The following SEC61A2 variants were observed in gnomAD, a reference collection of about 807,000 sequenced individuals.
The protein encoded by SEC61A2 is protein transport protein Sec61 subunit alpha isoform 2.
SEC61A2 carries 28 observed loss-of-function variants against 59.9 expected under a neutral mutation model. The observed-to-expected ratio is 0.47, with a 90% CI of 0.35 to 0.64. SEC61A2 has a LOEUF of 0.64. SEC61A2 is among the 30% of genes least tolerant of loss of function. The pLI, the probability that SEC61A2 is intolerant of heterozygous loss-of-function variation, is 0.01. For synonymous variants in SEC61A2, 202 were observed against 214.4 expected (o/e 0.94, Z 0.50); for missense variants, 340 against 585.9 (o/e 0.58, Z 4.33).
At chr10:12,134,156 A>G (rs1040587895) in intron 2 of SEC61A2, among the ~76,000 whole-genome samples, 20 of 152,238 alleles carry the variant, frequency 1.3e-4, no homozygotes, top group East Asian at 1.2e-3. Flanking sequence ...ACAGGCGCCC[A>G]CCACCATGCC....
chr10:12,135,067 C>G (rs1833854632), intron 2 of SEC61A2, among the ~76,000 whole-genome samples: 1 of 151,684 alleles, frequency 6.6e-6, no homozygotes, highest in Admixed American at 6.6e-5. Flanking sequence ...AAACCAAACA[C>G]CACATGTTCT....
intron 3 of SEC61A2, among the ~76,000 whole-genome samples, chr10:12,137,882 T>C (rs1159984206): frequency 6.6e-6 from 1 of 152,028 alleles, no homozygotes. Flanking sequence ...GGCGTGCACA[T>C]GTAATCCCAG....
chr10:12,140,004 A>G (rs1315206166), intron 3 of SEC61A2, among the ~76,000 whole-genome samples: 1 of 151,786 alleles, frequency 6.6e-6, no homozygotes, highest in African/African-American at 2.4e-5. Flanking sequence ...TGAACCTGAC[A>G]GCACTCAACA....
rs1014649035 is a variant in SEC61A2, at chr10:12,145,195, A to G, written c.220+2000A>G. ...TTGGATGGAGCACATTTTAAGGAAG[A>G]TGGGAAACTTCTGCAGGCCACTAGG... On this transcript the variant is annotated intron_variant, in intron 4 of 11. Coordinates refer to ENST00000298428, the MANE Select transcript of SEC61A2 (RefSeq NM_018144.4). This position sits in a 1 kb window ranked among gnomAD's most constrained non-coding sequence, Gnocchi z 4.4. Among the ~76,000 whole-genome samples the G allele has an allele frequency of 6.6e-6, 1 of 152,126 alleles. No homozygotes were observed. Among genetic ancestry groups the G allele is most frequent in the African/African-American group, 2.4e-5 (1 of 41,432 alleles).
intron 4 of SEC61A2, among the ~76,000 whole-genome samples, chr10:12,144,573 A>G (rs2131661186): frequency 6.6e-6 from 1 of 152,294 alleles, no homozygotes; most frequent in Middle Eastern, 3.4e-3. Flanking sequence ...CCCAGTTGTC[A>G]TGGAGTTGAT....
Position 12,137,468 on chromosome 10 carries a change from T to C in SEC61A2, c.141+1298T>C, listed in dbSNP as rs1247449754. Among the ~76,000 whole-genome samples the C allele has an allele frequency of 4.0e-5, 6 of 151,878 alleles. No homozygotes were observed. In the East Asian group the frequency reaches 1.2e-3, roughly 30 times the overall value. On this transcript the variant is annotated intron_variant, in intron 3 of 11. Coordinates refer to ENST00000298428, the MANE Select transcript of SEC61A2 (RefSeq NM_018144.4). ...TACAGGCACGAGCCACTACACCCAGTTAATTTCTTTTGGTATTGTAGAGAT... is the reference window on the plus strand; with the variant it reads ...TACAGGCACGAGCCACTACACCCAGCTAATTTCTTTTGGTATTGTAGAGAT...
chr10:12,163,069 G>A (rs1345828585), intron 11 of SEC61A2, among the ~76,000 whole-genome samples: 2 of 152,016 alleles, frequency 1.3e-5, no homozygotes, highest in African/African-American at 2.4e-5. Context: ...TACAAATTTT[G>A]TGCTGCTCAG....
In SEC61A2 at chr10:12,155,161, C is replaced by T. The variant is rs1468351497; in HGVS notation, c.463-617C>T. On this transcript the variant is annotated intron_variant, in intron 6 of 11. Coordinates refer to ENST00000298428, the MANE Select transcript of SEC61A2 (RefSeq NM_018144.4). The surrounding 1 kb of genome is among the most constrained non-coding windows in gnomAD (Gnocchi z 4.3). ...TTAACCTTAACCGTCTTCAAATTTACATTCAATCTTTGTCACTATGTGTAT... is the reference window on the plus strand; with the variant it reads ...TTAACCTTAACCGTCTTCAAATTTATATTCAATCTTTGTCACTATGTGTAT... The T allele has an allele frequency of 7.1e-6, 3 of 425,524 alleles. No homozygotes were observed. The highest frequency in any genetic ancestry group is 7.7e-5 in the East Asian group (2 of 25,954). 26.4% of individuals were successfully genotyped at this position (425,524 alleles called of 1,614,324 possible). A position where few individuals can be genotyped will look rare whatever the true frequency, so the allele number is the denominator to read the frequency against.
rs1041123585 is a variant in SEC61A2 at position 12,162,811 on chromosome 10, C to T, written c.1244+522C>T. Among the ~76,000 whole-genome samples the T allele has an allele frequency of 2.6e-5, 4 of 152,078 alleles. No homozygotes were observed. The highest frequency in any genetic ancestry group is 5.9e-5 in the Non-Finnish European group (4 of 68,016). On this transcript the variant is annotated intron_variant, in intron 11 of 11. Coordinates refer to ENST00000298428, the MANE Select transcript of SEC61A2 (RefSeq NM_018144.4). This position sits in a 1 kb window ranked among gnomAD's most constrained non-coding sequence, Gnocchi z 6.1. ...CTAGCCCACCTTCCCAACCACCAGCCCCAGACAGCCACTTTTAACTTTGTC... is the reference window on the plus strand; with the variant it reads ...CTAGCCCACCTTCCCAACCACCAGCTCCAGACAGCCACTTTTAACTTTGTC...
chr10:12,150,964 C>T (rs1834257486), intron 6 of SEC61A2, among the ~76,000 whole-genome samples: 3 of 152,030 alleles, frequency 2.0e-5, no homozygotes, highest in African/African-American at 7.2e-5. Flanking sequence ...TTAATAGAGA[C>T]GGGGGTTTCA....
Position 12,161,550 on chromosome 10 carries a change from G to A in SEC61A2, c.1167+429G>A, listed in dbSNP as rs1033114005. 7.9e-5 allele frequency among the ~76,000 whole-genome samples: 12 copies of A among 152,212 alleles called. No homozygotes were observed. The highest frequency in any genetic ancestry group is 2.2e-4 in the African/African-American group (9 of 41,458). On this transcript the variant is annotated intron_variant, in intron 10 of 11. Coordinates refer to ENST00000298428, the MANE Select transcript of SEC61A2 (RefSeq NM_018144.4). The surrounding 1 kb of genome is among the most constrained non-coding windows in gnomAD (Gnocchi z 5.4). The stretch of plus-strand genomic sequence containing the variant: ...ATGGGTAGGAGATCGAGACCATCCT[G>A]GTCAGCATGGTAAAACCCTTTCTCT...
intron 2 of SEC61A2, 130 bp downstream of exon 2, chr10:12,133,438 C>G: frequency 2.0e-6 from 1 of 495,736 alleles, no homozygotes; most frequent in Non-Finnish European, 3.7e-6. Flanking sequence ...ATCCTCCTTG[C>G]AAGAGGCACA....
intron 4 of SEC61A2, among the ~76,000 whole-genome samples, chr10:12,144,619 G>T (rs982373367): frequency 6.6e-6 from 1 of 152,168 alleles, no homozygotes; most frequent in Non-Finnish European, 1.5e-5. Flanking sequence ...GGTGGGGAAG[G>T]TGCTCTAGGA....
intron 3 of SEC61A2, among the ~76,000 whole-genome samples, chr10:12,138,764 T>A (rs1361329311): frequency 2.6e-5 from 4 of 152,276 alleles, no homozygotes; most frequent in African/African-American, 9.6e-5. Context: ...ATTCATTCGC[T>A]TGTTAGACAT....
rs202026816 is a variant in SEC61A2, at chr10:12,164,218, G to T, written c.1245-50G>T. ...CGACCTGTCTTCGTCTCTAGCTGCC[G>T]TGCTGTTCCTGGTCTCTGCTGCCGC... is the stretch of plus-strand genomic sequence containing the variant. On this transcript the variant is annotated intron_variant, in intron 11 of 11. Transcript: ENST00000298428. The surrounding 1 kb of genome is among the most constrained non-coding windows in gnomAD (Gnocchi z 7.3). 1 of 1,602,318 alleles carries T rather than the reference G, an allele frequency of 6.2e-7. No individual in the cohort carries two copies. Among genetic ancestry groups the T allele is most frequent in the Admixed American group, 1.7e-5 (1 of 57,608 alleles).
chr10:12,131,427 T>C (rs1482900437), intron 1 of SEC61A2, among the ~76,000 whole-genome samples: 1 of 152,166 alleles, frequency 6.6e-6, no homozygotes, highest in Non-Finnish European at 1.5e-5. Context: ...TGAGAGATTG[T>C]CATTTTCACC....
intron 6 of SEC61A2, among the ~76,000 whole-genome samples, chr10:12,151,413 G>A (rs1834271474): frequency 1.3e-5 from 2 of 150,266 alleles, no homozygotes; most frequent in East Asian, 3.9e-4. Context: ...CTGGTTTCAA[G>A]CGATTTTCCT....
rs574525515 is a variant in SEC61A2, at chr10:12,162,720, T to C, written c.1244+431T>C. Among the ~76,000 whole-genome samples, 8 of 152,226 alleles carry C rather than the reference T, an allele frequency of 5.3e-5. No homozygotes were observed. The highest frequency in any genetic ancestry group is 1.0e-4 in the Non-Finnish European group (7 of 68,038). ...GTATATTGTTCAGTGTTTTTTAGTA[T>C]ATTCAGACTTGTACAGTCATAAGTT... On this transcript the variant is annotated intron_variant, in intron 11 of 11. Transcript: ENST00000298428. The surrounding 1 kb of genome is among the most constrained non-coding windows in gnomAD (Gnocchi z 6.1).
intron 1 of SEC61A2, among the ~76,000 whole-genome samples, chr10:12,132,690 AGTT>A (rs1833786264): frequency 6.6e-6 from 1 of 151,278 alleles, no homozygotes; most frequent in Non-Finnish European, 1.5e-5. Flanking sequence ...GGCATCTTTC[AGTT>A]GTTTAAGGCA....
Sources: gnomAD v4.1 joint callset for allele counts (sites outside exome capture counted in the v4.1 genomes callset) on GRCh38, gnomAD v4.1.1 for gene constraint, Gnocchi (gnomAD v3.1) non-coding constraint, MANE v1.5 for transcripts, NCBI Gene and HGNC (gene_info 2026-07-23, HGNC 2026-07-21) for gene names.